Variants in AGBL4 observed in about 807,000 individuals in gnomAD.
AGBL4 encodes AGBL carboxypeptidase 4, also known as cytosolic carboxypeptidase 6.
A neutral mutation model predicts 66.4 loss-of-function variants in AGBL4; 58 were observed. The ratio of observed to expected loss-of-function variants is 0.87; its 90% confidence interval spans 0.71 to 1.09. The LOEUF is 1.09. Among genes scored for constraint, AGBL4 ranks in the 50% least tolerant of loss-of-function variants. The probability of loss-of-function intolerance (pLI) is 0.00; values close to 1 mark genes in which losing one functional copy is unlikely to be tolerated. For synonymous variants in AGBL4, 234 were observed against 222.9 expected, an observed-to-expected ratio of 1.05 and a Z score of -0.44; for missense variants, 579 against 631.0, an observed-to-expected ratio of 0.92 and a Z score of 0.88.
intron 3 of AGBL4, among the ~76,000 whole-genome samples, chr1:49,602,922 G>A (rs1015935889): frequency 6.6e-6 from 1 of 152,002 alleles, no homozygotes; most frequent in African/African-American, 2.4e-5. Context: ...ACCAAACGAG[G>A]ATCACGTCTT....
chr1:49,379,410 G>C (rs147842221), intron 3 of AGBL4, among the ~76,000 whole-genome samples: 2 of 152,082 alleles, frequency 1.3e-5, no homozygotes, highest in Admixed American at 6.6e-5. Context: ...ATCCATGCCC[G>C]TTTTGGCTAC....
chr1:49,424,290 A>G (rs1361452220), intron 3 of AGBL4, among the ~76,000 whole-genome samples: 4 of 152,216 alleles, frequency 2.6e-5, no homozygotes, highest in African/African-American at 9.7e-5. Context: ...TTCTTTCTAT[A>G]AAGAATGAAA....
intron 2 of AGBL4, among the ~76,000 whole-genome samples, chr1:49,777,534 TA>T (rs1486985397): frequency 6.6e-6 from 1 of 152,156 alleles, no homozygotes; most frequent in Non-Finnish European, 1.5e-5. Context: ...AACTTAAAAA[TA>T]AGAGAAGAGC....
chr1:49,283,088 A>G (rs1227970091), intron 3 of AGBL4, among the ~76,000 whole-genome samples: 1 of 152,206 alleles, frequency 6.6e-6, no homozygotes, highest in Admixed American at 6.5e-5. Context: ...AAACAAAAAG[A>G]CAGCACTAAC....
intron 5 of AGBL4, among the ~76,000 whole-genome samples, chr1:49,005,141 C>T (rs1355498862): frequency 6.6e-6 from 1 of 152,118 alleles, no homozygotes; most frequent in Non-Finnish European, 1.5e-5. Flanking sequence ...ATCATATCAC[C>T]TATCTGTTGA....
chr1:48,888,976 G>A (rs1650647381), intron 5 of AGBL4, among the ~76,000 whole-genome samples: 1 of 152,156 alleles, frequency 6.6e-6, no homozygotes, highest in South Asian at 2.1e-4. Flanking sequence ...TCCCAATGCA[G>A]GCAGAAAGCC....
chr1:49,749,191 T>C (rs552634345), intron 2 of AGBL4, among the ~76,000 whole-genome samples: 25 of 152,306 alleles, frequency 1.6e-4, no homozygotes, highest in Non-Finnish European at 3.5e-4. Context: ...TTGTATAACA[T>C]GTAAGGAAGG....
intron 5 of AGBL4, among the ~76,000 whole-genome samples, chr1:48,899,158 G>A (rs1011367889): frequency 6.6e-6 from 1 of 152,198 alleles, no homozygotes; most frequent in Non-Finnish European, 1.5e-5. Flanking sequence ...GTAGAACGGC[G>A]CCAGCCCGAG....
intron 3 of AGBL4, among the ~76,000 whole-genome samples, chr1:49,693,977 G>A (rs1646935936): frequency 6.6e-6 from 1 of 152,052 alleles, no homozygotes; most frequent in South Asian, 2.1e-4. Flanking sequence ...ACTTTTACGG[G>A]TTAATATATC....
At chr1:49,579,542 C>G (rs1644501135) in intron 3 of AGBL4, among the ~76,000 whole-genome samples, 1 of 152,168 alleles carries the variant, frequency 6.6e-6, no homozygotes, top group South Asian at 2.1e-4. Flanking sequence ...CTCTTTCACC[C>G]AGGCCAGACT....
At chr1:49,651,321 C>T (rs1405402198) in intron 3 of AGBL4, among the ~76,000 whole-genome samples, 1 of 152,084 alleles carries the variant, frequency 6.6e-6, no homozygotes. Context: ...ATTTCCCCTG[C>T]CAACCCCATC....
intron 8 of AGBL4, among the ~76,000 whole-genome samples, chr1:48,652,613 C>T (rs939790866): frequency 4.6e-5 from 7 of 152,054 alleles, no homozygotes; most frequent in African/African-American, 1.7e-4. Flanking sequence ...ATTTGGATGG[C>T]GAAGTTAGTC....
At chr1:48,767,785 A>G (rs534418566) in intron 6 of AGBL4, among the ~76,000 whole-genome samples, 1 of 152,310 alleles carries the variant, frequency 6.6e-6, no homozygotes, top group African/African-American at 2.4e-5. Context: ...AAAATCACCA[A>G]TCTTCACTTC....
intron 6 of AGBL4, among the ~76,000 whole-genome samples, chr1:48,851,107 G>A (rs1647022326): frequency 6.6e-6 from 1 of 152,010 alleles, no homozygotes; most frequent in Non-Finnish European, 1.5e-5. Context: ...TATTATTATC[G>A]CCCCCTGCAG....
chr1:48,907,582 G>T (rs934175475), intron 5 of AGBL4, among the ~76,000 whole-genome samples: 1 of 152,086 alleles, frequency 6.6e-6, no homozygotes, highest in African/African-American at 2.4e-5. Flanking sequence ...TCTAGCCTAC[G>T]CAATTCATCA....
intron 3 of AGBL4, among the ~76,000 whole-genome samples, chr1:49,489,954 C>G (rs1380027393): frequency 6.6e-6 from 1 of 151,578 alleles, no homozygotes; most frequent in Non-Finnish European, 1.5e-5. Context: ...CTTGGATTTT[C>G]TATGTAGGAA....
At chr1:49,129,310 T>G (rs949207392) in intron 4 of AGBL4, among the ~76,000 whole-genome samples, 13 of 151,754 alleles carry the variant, frequency 8.6e-5, no homozygotes, top group African/African-American at 2.4e-4. Flanking sequence ...TGTTGTTGTT[T>G]TTTCATTTTA....
intron 6 of AGBL4, among the ~76,000 whole-genome samples, chr1:48,724,336 C>T (rs1207135589): frequency 6.6e-6 from 1 of 152,182 alleles, no homozygotes; most frequent in East Asian, 1.9e-4. Flanking sequence ...GGGAACTAAA[C>T]TCGCATGCAT....
At chr1:49,934,038 C>T (rs1653659382) in intron 1 of AGBL4, among the ~76,000 whole-genome samples, 1 of 152,036 alleles carries the variant, frequency 6.6e-6, no homozygotes, top group South Asian at 2.1e-4. Context: ...TTTAAGGACA[C>T]ATGTGGGCTG....
Sources: allele counts gnomAD v4.1 joint callset (sites outside exome capture counted in the v4.1 genomes callset), GRCh38; gene constraint gnomAD v4.1.1; transcripts MANE v1.5; gene names NCBI Gene and HGNC (gene_info 2026-07-23, HGNC 2026-07-21).